The following COPB2 variants were observed in gnomAD, a reference collection of about 807,000 sequenced individuals.
COPB2 encodes coatomer subunit beta'.
Under a neutral mutation model 120.8 loss-of-function variants are expected in COPB2, and 16 were observed. The observed-to-expected ratio is 0.13, with a 90% CI of 0.09 to 0.20. The LOEUF is 0.20. Among genes scored for constraint, COPB2 ranks in the 10% least tolerant of loss-of-function variants. The pLI is 1.00. For missense variants in COPB2, 794 were observed against 1,076.5 expected (o/e 0.74, Z 3.67); for synonymous variants, 332 against 366.3 (o/e 0.91, Z 1.07).
In COPB2 at chr3:139,367,585, G is replaced by A. The variant is rs145744405; in HGVS notation, c.1546-440C>T. Among the ~76,000 whole-genome samples, 542 of 152,002 alleles carry A rather than the reference G, an allele frequency of 3.6e-3. 1 individual carries two copies. Among genetic ancestry groups the A allele is most frequent in the African/African-American group, 0.011 (465 of 41,444 alleles). On this transcript the variant is annotated intron_variant, in intron 13 of 21. Transcript: ENST00000333188. ...TTATAGGTGTGAGCCACTGCACCCC[G>A]CTGGAATTTCTTTCTTCATTTAAGA... is the stretch of plus-strand genomic sequence containing the variant.
At chr3:139,377,424 G>C (rs1941733180) in intron 5 of COPB2, among the ~76,000 whole-genome samples, 1 of 152,194 alleles carries the variant, frequency 6.6e-6, no homozygotes, top group Admixed American at 6.5e-5. Context: ...GGAAAATAAA[G>C]AGAAGTGCAG....
intron 1 of COPB2, among the ~76,000 whole-genome samples, chr3:139,387,044 CAAAA>C (rs538025993): frequency 1.2e-4 from 14 of 121,292 alleles, no homozygotes; most frequent in African/African-American, 4.7e-4. Flanking sequence ...ACTAAAAATA[CAAAA>C]AAAAAAAAAA....
intron 1 of COPB2, among the ~76,000 whole-genome samples, chr3:139,386,319 T>C (rs1941920494): frequency 6.6e-6 from 1 of 151,846 alleles, no homozygotes; most frequent in African/African-American, 2.4e-5. Flanking sequence ...GGCAGTGGCG[T>C]GATCTCGGCT....
intron 1 of COPB2, chr3:139,388,369 A>C (rs1450269256): frequency 6.7e-6 from 1 of 148,506 alleles, no homozygotes; most frequent in African/African-American, 2.5e-5. Context: ...ATTTTTTATA[A>C]AACAAATTAA....
chr3:139,358,666 G>A (rs1481721942), intron 20 of COPB2, 78 bp downstream of exon 20: 2 of 1,034,898 alleles, frequency 1.9e-6, no homozygotes, highest in Non-Finnish European at 3.0e-6. Flanking sequence ...GGGCAATGGA[G>A]CGAAACTCTG....
chr3:139,389,469 C>T (rs1942009294), intron 1 of COPB2, 79 bp downstream of exon 1: 12 of 1,464,592 alleles, frequency 8.2e-6, no homozygotes, highest in African/African-American at 1.4e-5. Flanking sequence ...CACTGCTTAC[C>T]GCGGCCCTCA....
chr3:139,374,555 C>G lies in COPB2; in HGVS notation c.685G>C (p.Ala229Pro). ...KTCVQTLEGH[A>P]QNVSCASFHP... Reference sequence around the variant, plus strand: ...AAGCTGGCACAAGACACATTTTGGGCATGTCCTTCCAGTGTCTGCACACAT... The same window carrying G: ...AAGCTGGCACAAGACACATTTTGGGGATGTCCTTCCAGTGTCTGCACACAT... The change falls in exon 7 of 22, where the codon GCC becomes CCC. Residue 229 changes from alanine to proline, a missense_variant. Physicochemically the swap from Ala to Pro is conservative, Grantham distance 27. Around this residue, in one of 3 missense-constraint regions of COPB2, gnomAD observed 610 missense variants for 866.7 expected, o/e 0.70. Coordinates refer to ENST00000333188, the MANE Select transcript of COPB2 (RefSeq NM_004766.3). The G allele has an allele frequency of 6.2e-7, 1 of 1,613,952 alleles. No homozygotes were observed. Among genetic ancestry groups the G allele is most frequent in the South Asian group, 1.1e-5 (1 of 91,080 alleles).
At position 139,379,416 on chromosome 3, in the gene COPB2, C is replaced by A; in HGVS notation, c.192G>T (p.Lys64Asn). Residue 64 changes from lysine to asparagine, a missense_variant, in exon 3 of 22, where the codon AAG becomes AAT. This residue lies in a region of COPB2 where 610 missense variants were observed against 866.7 expected (regional missense o/e 0.70). Transcript: ENST00000333188. ...EVCDLPVRAA[K>N]FVARKNWVVT... ...CAACCCAATTCTTCCTTGCAACAAA[C>A]TTTGCAGCTCGAACAGGAAGATCAC... is the stretch of plus-strand genomic sequence containing the variant. The A allele has an allele frequency of 6.2e-7, 1 of 1,614,128 alleles. No individual in the cohort carries two copies. The highest frequency in any genetic ancestry group is 8.5e-7 in the Non-Finnish European group (1 of 1,179,998).
In COPB2 at chr3:139,358,752, C is replaced by T. The variant is rs749470772; in HGVS notation, c.2545G>A (p.Ala849Thr). 1.2e-6 allele frequency: 2 copies of T among 1,610,178 alleles called. No individual in the cohort carries two copies. The highest frequency in any genetic ancestry group is 1.7e-6 in the Non-Finnish European group (2 of 1,176,608). ...GKDFQPSRST[A>T]QQELDGKPAS... ...TGAAGTGCTCTACTGACCTGTTGAG[C>T]TGTAGATCTTGAGGGCTGAAAGTCT... Residue 849 changes from alanine (A) to threonine (T), a missense_variant, in exon 20 of 22, where the codon GCT (alanine) becomes ACT (threonine). Physicochemically the swap from Ala to Thr is moderately conservative, Grantham distance 58. This residue lies in a region of COPB2 where 178 missense variants were observed against 183.2 expected (regional missense o/e 0.97). Transcript: ENST00000333188.
chr3:139,382,525 A>G (rs1028815695), intron 2 of COPB2: 1 of 152,224 alleles, frequency 6.6e-6, no homozygotes, highest in Non-Finnish European at 1.5e-5. Flanking sequence ...TTTCTGTTTC[A>G]TTACAGTGAG....
intron 10 of COPB2, among the ~76,000 whole-genome samples, chr3:139,370,535 T>C (rs914059004): frequency 3.3e-5 from 5 of 152,224 alleles, no homozygotes; most frequent in African/African-American, 1.2e-4. Context: ...GTACATTCTG[T>C]CTTCTGTAAA....
chr3:139,366,496 T>G, intron 15 of COPB2, 72 bp downstream of exon 15: 1 of 1,393,580 alleles, frequency 7.2e-7, no homozygotes, highest in Non-Finnish European at 9.7e-7. Flanking sequence ...AATAAAGTTT[T>G]TCAACTCCAT....
At position 139,371,743 on chromosome 3, in the gene COPB2, T is replaced by C. The variant is rs1460409766; in HGVS notation, c.1185A>G (p.Ala395=). The C allele has an allele frequency of 3.1e-6, 5 of 1,613,874 alleles. No individual in the cohort carries two copies. The highest frequency in any genetic ancestry group is 4.5e-5 in the East Asian group (2 of 44,870). The part of the protein sequence containing the change: ...NKSFGSAQEF[A]WAHDSSEYAI... ...CTTACTCTGAAGAATCGTGGGCCCA[T>C]GCAAACTCCTGAGCAGATCCAAAGC... Residue 395 remains alanine, a synonymous_variant, in exon 10 of 22, where the codon GCA becomes GCG. Transcript: ENST00000333188.
At chr3:139,379,000 T>C (rs1336687818) in intron 4 of COPB2, 47 bp downstream of exon 4, 6 of 1,518,350 alleles carry the variant, frequency 4.0e-6, no homozygotes, top group Admixed American at 2.4e-5. Context: ...TGAATGAAAA[T>C]GAATTACCCA....
At chr3:139,371,907 TG>T in intron 9 of COPB2, 74 bp from the exon 10 acceptor site, 1 of 1,039,680 alleles carries the variant, frequency 9.6e-7, no homozygotes, top group Non-Finnish European at 1.5e-6. Context: ...CAATAATTCA[TG>T]TTATGGTAAA....
intron 17 of COPB2, 46 bp from the exon 18 acceptor site, chr3:139,359,408 T>C (rs1438656763): frequency 1.3e-6 from 2 of 1,543,126 alleles, no homozygotes; most frequent in African/African-American, 1.4e-5. Flanking sequence ...ATAAACACTA[T>C]AATAATGGGT....
chr3:139,373,921 C>A, intron 7 of COPB2, 113 bp from the exon 8 acceptor site: 3 of 1,296,464 alleles, frequency 2.3e-6, no homozygotes, highest in Non-Finnish European at 2.1e-6. Flanking sequence ...CACTTCCTGG[C>A]AGCTTAATGA....
At chr3:139,365,686 A>T (rs1941501251) in intron 15 of COPB2, among the ~76,000 whole-genome samples, 1 of 152,182 alleles carries the variant, frequency 6.6e-6, no homozygotes, top group Non-Finnish European at 1.5e-5. Flanking sequence ...CTGAAAGGAG[A>T]TCTTCAGGAA....
Position 139,379,059 on chromosome 3 carries a change from G to A in COPB2, c.343C>T (p.Leu115=), listed in dbSNP as rs762631776. The change falls in exon 4 of 22, where the codon CTA becomes TTA. Residue 115 remains leucine (L), a synonymous_variant. Coordinates refer to ENST00000333188, the MANE Select transcript of COPB2 (RefSeq NM_004766.3). Reference sequence around the variant, plus strand: ...GGTCATCTCTTACCACTGCTAGTTAGAATGAAAGGCTGGGTTGGATGAACA... The same window carrying A: ...GGTCATCTCTTACCACTGCTAGTTAAAATGAAAGGCTGGGTTGGATGAACA... The part of the protein sequence containing the change: ...IAVHPTQPFI[L]TSSDDMLIKL... 2 of 1,598,302 alleles carry A rather than the reference G, an allele frequency of 1.3e-6. No homozygotes were observed. The highest frequency in any genetic ancestry group is 1.7e-6 in the Non-Finnish European group (2 of 1,175,708).
Sources: allele counts gnomAD v4.1 joint callset (sites outside exome capture counted in the v4.1 genomes callset), GRCh38; gene constraint gnomAD v4.1.1; regional missense constraint gnomAD v4.1.1; transcripts MANE v1.5; gene names NCBI Gene and HGNC (gene_info 2026-07-23, HGNC 2026-07-21).